Variants in TENM4 observed in about 807,000 individuals in gnomAD.
TENM4 encodes teneurin transmembrane protein 4.
Under a neutral mutation model 243.3 loss-of-function variants are expected in TENM4, and 82 were observed. The ratio of observed to expected loss-of-function variants is 0.34; its 90% CI spans 0.28 to 0.40. The LOEUF is 0.40. Ranked by LOEUF, TENM4 falls within the 10% of genes least tolerant of loss-of-function variation. The probability of loss-of-function intolerance (pLI) is 1.00; values close to 1 mark genes in which losing one functional copy is unlikely to be tolerated. For missense variants in TENM4, 3,138 were observed against 3,673.3 expected (o/e 0.85, Z 3.77); for synonymous variants, 1,412 against 1,456.3 (o/e 0.97, Z 0.69).
At chr11:78,692,012 C>T (rs1858839413) in intron 28 of TENM4, among the ~76,000 whole-genome samples, 1 of 152,154 alleles carries the variant, frequency 6.6e-6, no homozygotes, top group South Asian at 2.1e-4. Flanking sequence ...GCCACCTCTA[C>T]AGAACCCTTT....
intron 19 of TENM4, among the ~76,000 whole-genome samples, chr11:78,747,427 A>C (rs76388468): frequency 0.02 from 3,121 of 152,322 alleles, 115 homozygotes; most frequent in African/African-American, 0.071. Flanking sequence ...GACAGACAAC[A>C]GTAGGAAGGA....
chr11:78,821,125 C>A (rs1005363453), intron 12 of TENM4, among the ~76,000 whole-genome samples: 1 of 152,234 alleles, frequency 6.6e-6, no homozygotes, highest in African/African-American at 2.4e-5. Context: ...GATCTGTTTT[C>A]AGTCATATCC....
intron 2 of TENM4, among the ~76,000 whole-genome samples, chr11:79,294,316 T>C (rs967280104): frequency 6.6e-6 from 1 of 152,132 alleles, no homozygotes; most frequent in Non-Finnish European, 1.5e-5. Context: ...GATGAAGAAA[T>C]TGAGGCTGAA....
chr11:79,267,410 T>C (rs1855900609), intron 2 of TENM4, among the ~76,000 whole-genome samples: 1 of 152,228 alleles, frequency 6.6e-6, no homozygotes, highest in Non-Finnish European at 1.5e-5. Context: ...AATGCCTCAC[T>C]GTTCAGCCCA....
intron 2 of TENM4, among the ~76,000 whole-genome samples, chr11:79,292,016 C>T (rs1265774568): frequency 6.6e-6 from 1 of 152,226 alleles, no homozygotes; most frequent in Non-Finnish European, 1.5e-5. Flanking sequence ...CCAAGCCCCT[C>T]TCTTTCCCAG....
intron 6 of TENM4, among the ~76,000 whole-genome samples, chr11:79,048,198 G>T (rs1307513143): frequency 6.6e-6 from 1 of 152,140 alleles, no homozygotes. Flanking sequence ...CTCAGACAAG[G>T]CAACTCTGAC....
At chr11:79,114,013 C>T (rs780354723) in intron 4 of TENM4, among the ~76,000 whole-genome samples, 14 of 152,132 alleles carry the variant, frequency 9.2e-5, no homozygotes, top group African/African-American at 1.7e-4. Flanking sequence ...AGCTCCCAAA[C>T]GATCTCTCCA....
chr11:78,737,468 C>T (rs536112350), intron 20 of TENM4, among the ~76,000 whole-genome samples: 9 of 152,328 alleles, frequency 5.9e-5, no homozygotes, highest in South Asian at 2.1e-4. Context: ...ATTATCACCT[C>T]GGCCGGGACA....
intron 1 of TENM4, among the ~76,000 whole-genome samples, chr11:79,409,510 T>G (rs947646197): frequency 6.6e-6 from 1 of 152,186 alleles, no homozygotes; most frequent in African/African-American, 2.4e-5. Flanking sequence ...CCTTTGCTGA[T>G]GCACTTTAAC....
At chr11:79,122,062 G>T (rs1171834380) in intron 4 of TENM4, among the ~76,000 whole-genome samples, 1 of 152,152 alleles carries the variant, frequency 6.6e-6, no homozygotes, top group Non-Finnish European at 1.5e-5. Flanking sequence ...GTCTAACAGA[G>T]ATTCAGGATT....
chr11:79,161,397 G>A (rs540936318), intron 3 of TENM4, among the ~76,000 whole-genome samples: 4 of 152,174 alleles, frequency 2.6e-5, no homozygotes, highest in Non-Finnish European at 5.9e-5. Context: ...ATCTTATTTG[G>A]AAACATGGTT....
chr11:78,750,881 CTG>C (rs1359091719), intron 19 of TENM4, among the ~76,000 whole-genome samples: 1 of 126,688 alleles, frequency 7.9e-6, no homozygotes, highest in Non-Finnish European at 1.6e-5. Context: ...GTGTGTGTGT[CTG>C]TGTGTCTGTG....
chr11:78,756,740 A>G, intron 19 of TENM4, 65 bp downstream of exon 19: 2 of 1,458,132 alleles, frequency 1.4e-6, no homozygotes, highest in Admixed American at 4.0e-5. Flanking sequence ...CATCCAAAAG[A>G]GGCTCTAGAG....
Position 78,672,070 on chromosome 11 carries a change from G to A in TENM4, c.5756C>T (p.Ala1919Val). 1 of 1,613,994 alleles carries A rather than the reference G, an allele frequency of 6.2e-7. No individual in the cohort carries two copies. Among genetic ancestry groups the A allele is most frequent in the East Asian group, 2.2e-5 (1 of 44,876 alleles). ...QAGRITSRIF[A>V]DGKTWSYTYL... ...TGTGTAGCTCCATGTCTTCCCATCA[G>A]CGAAGATCCTGGATGTGATGCGGCC... The change falls in exon 31 of 34, where the codon GCT becomes GTT. Residue 1919 changes from alanine (A) to valine (V), a missense_variant. Ala to Val is a moderately conservative substitution (Grantham distance 64). This residue lies in a region of TENM4 where 2,467 missense variants were observed against 3,059.1 expected (regional missense o/e 0.81). Coordinates refer to ENST00000278550, the MANE Select transcript of TENM4 (RefSeq NM_001098816.3).
chr11:78,967,266 T>C (rs1165410654), intron 6 of TENM4, among the ~76,000 whole-genome samples: 2 of 152,214 alleles, frequency 1.3e-5, no homozygotes, highest in Non-Finnish European at 2.9e-5. Flanking sequence ...CATATGTGCC[T>C]AGTGCAGTGT....
intron 6 of TENM4, among the ~76,000 whole-genome samples, chr11:78,931,453 A>G (rs1856667309): frequency 1.3e-5 from 2 of 152,258 alleles, no homozygotes; most frequent in African/African-American, 2.4e-5. Flanking sequence ...AAAGAGGTGC[A>G]GTAGAAAATA....
intron 4 of TENM4, among the ~76,000 whole-genome samples, chr11:79,138,013 G>T (rs1202622966): frequency 6.6e-6 from 1 of 151,736 alleles, no homozygotes. Context: ...TGCCAAAGGA[G>T]GTTAATATTT....
rs542866717 is a variant in TENM4, at chr11:79,380,750, T to C, written c.-321+59759A>G. Among the ~76,000 whole-genome samples the C allele has an allele frequency of 8.3e-4, 126 of 152,280 alleles. 1 individual carries two copies. The highest frequency in any genetic ancestry group is 2.8e-3 in the African/African-American group (117 of 41,562). On this transcript the variant is annotated intron_variant, in intron 1 of 33. Transcript: ENST00000278550. Reference sequence around the variant, plus strand: ...GTTCCAGGAAACAGATTTTGGGAAATGTTCATCAAATTCGTTTCATTCTTA... The same window carrying C: ...GTTCCAGGAAACAGATTTTGGGAAACGTTCATCAAATTCGTTTCATTCTTA...
At chr11:78,813,996 C>T (rs914160956) in intron 13 of TENM4, among the ~76,000 whole-genome samples, 4 of 152,090 alleles carry the variant, frequency 2.6e-5, no homozygotes, top group Admixed American at 2.0e-4. Context: ...TAAAAGAACC[C>T]CCACTGCCAC....
Sources: allele counts gnomAD v4.1 joint callset (sites outside exome capture counted in the v4.1 genomes callset), GRCh38; gene constraint gnomAD v4.1.1; regional missense constraint gnomAD v4.1.1; transcripts MANE v1.5; gene names NCBI Gene and HGNC (gene_info 2026-07-23, HGNC 2026-07-21).